ATP11B: variants seen among roughly 807,000 people sequenced by gnomAD.
ATP11B encodes phospholipid-transporting ATPase IF.
Under a neutral mutation model 157.8 loss-of-function variants are expected in ATP11B, and 81 were observed. The observed-to-expected ratio is 0.51, with a 90% confidence interval of 0.43 to 0.62. The LOEUF (loss-of-function observed/expected upper bound fraction) is 0.62. Ranked by LOEUF, ATP11B falls within the 20% of genes least tolerant of loss-of-function variation. ATP11B has a pLI of 0.00. For synonymous variants in ATP11B, 451 were observed against 469.4 expected (o/e 0.96, Z 0.51); for missense variants, 1,165 against 1,402.2 (o/e 0.83, Z 2.70).
At chr3:182,904,946 T>C (rs1185079014) in intron 28 of ATP11B, among the ~76,000 whole-genome samples, 1 of 151,824 alleles carries the variant, frequency 6.6e-6, no homozygotes, top group Non-Finnish European at 1.5e-5. Context: ...AATTTTCTTT[T>C]GAATAAACAA....
At chr3:182,819,865 G>A (rs1195829708) in intron 1 of ATP11B, among the ~76,000 whole-genome samples, 2 of 152,148 alleles carry the variant, frequency 1.3e-5, no homozygotes, top group Admixed American at 6.5e-5. Flanking sequence ...TGAAAGGGAA[G>A]GAATGCAGTA....
intron 1 of ATP11B, among the ~76,000 whole-genome samples, chr3:182,795,661 AATCAT>A (rs1437233268): frequency 6.6e-6 from 1 of 152,232 alleles, no homozygotes; most frequent in Non-Finnish European, 1.5e-5. Flanking sequence ...CTAAGTATGT[AATCAT>A]ACTTGGGCCA....
intron 15 of ATP11B, among the ~76,000 whole-genome samples, chr3:182,867,864 C>A (rs1407569677): frequency 1.3e-5 from 2 of 152,154 alleles, no homozygotes; most frequent in African/African-American, 4.8e-5. Context: ...ATCCACTGTG[C>A]CTGGCCCACA....
intron 14 of ATP11B, 97 bp from the exon 15 acceptor site, chr3:182,867,279 G>T: frequency 1.3e-6 from 1 of 792,108 alleles, no homozygotes; most frequent in Non-Finnish European, 2.1e-6. Context: ...TTTGAACTTT[G>T]ATTTTAAATG....
At chr3:182,889,859 C>T (rs1237731476) in intron 25 of ATP11B, among the ~76,000 whole-genome samples, 1 of 152,108 alleles carries the variant, frequency 6.6e-6, no homozygotes, top group Non-Finnish European at 1.5e-5. Context: ...TGATAGCTGC[C>T]ATTTATCTGG....
chr3:182,898,151 C>T (rs1315311351), intron 27 of ATP11B, among the ~76,000 whole-genome samples: 2 of 151,956 alleles, frequency 1.3e-5, no homozygotes, highest in Non-Finnish European at 2.9e-5. Flanking sequence ...ATACAAAAAC[C>T]CAAAAAGAAT....
At chr3:182,831,548 G>A (rs554905949) in intron 4 of ATP11B, among the ~76,000 whole-genome samples, 26 of 148,058 alleles carry the variant, frequency 1.8e-4, no homozygotes, top group Non-Finnish European at 3.1e-4. Flanking sequence ...ACAGAGTCTA[G>A]ACCCTGGTTC....
intron 28 of ATP11B, among the ~76,000 whole-genome samples, chr3:182,909,710 G>T (rs1041400906): frequency 6.6e-6 from 1 of 152,130 alleles, no homozygotes; most frequent in Non-Finnish European, 1.5e-5. Flanking sequence ...GTTTGCTAGA[G>T]AACAGTATAG....
At chr3:182,813,542 T>C (rs1012990101) in intron 1 of ATP11B, among the ~76,000 whole-genome samples, 6 of 152,170 alleles carry the variant, frequency 3.9e-5, no homozygotes, top group African/African-American at 1.4e-4. Context: ...TGTAAAACTG[T>C]AATAAATAGC....
At chr3:182,914,869 T>C in intron 29 of ATP11B, 1 of 985,396 alleles carries the variant, frequency 1.0e-6, no homozygotes, top group Non-Finnish European at 1.2e-6. Context: ...AGGTGAATGA[T>C]ACCATATTCT....
intron 28 of ATP11B, among the ~76,000 whole-genome samples, chr3:182,904,906 AAAAAAAG>A (rs1724231680): frequency 6.8e-6 from 1 of 146,160 alleles, no homozygotes. Flanking sequence ...AAAAAAAAAA[AAAAAAAG>A]GATTAATTCA....
At chr3:182,900,143 C>T (rs1193691895) in intron 28 of ATP11B, among the ~76,000 whole-genome samples, 1 of 152,150 alleles carries the variant, frequency 6.6e-6, no homozygotes, top group Non-Finnish European at 1.5e-5. Context: ...CTTTAGTATT[C>T]ATTTGCTTTG....
chr3:182,819,983 AT>A (rs761105008), intron 1 of ATP11B, among the ~76,000 whole-genome samples: 1 of 152,122 alleles, frequency 6.6e-6, no homozygotes, highest in Non-Finnish European at 1.5e-5. Context: ...TACTAAAGGC[AT>A]TACCTAGTTA....
rs768287083 is a variant in ATP11B, at chr3:182,918,217, A to G, written c.*113A>G. 2.7e-5 allele frequency: 39 copies of G among 1,459,146 alleles called. No individual in the cohort carries two copies. Among genetic ancestry groups the G allele is most frequent in the Non-Finnish European group, 3.4e-5 (37 of 1,080,878 alleles). 90.4% of individuals were successfully genotyped at this position (1,459,146 alleles called of 1,614,324 possible). ...AATTAATTTCCAAAATCTTTGTAGT[A>G]GTTCATACCCACTCAGAGTTATAAT... is the stretch of plus-strand genomic sequence containing the variant. On this transcript the variant is annotated 3_prime_UTR_variant, in exon 30 of 30. Transcript: ENST00000323116.
intron 2 of ATP11B, among the ~76,000 whole-genome samples, chr3:182,823,468 G>A (rs959288304): frequency 2.0e-5 from 3 of 152,028 alleles, no homozygotes; most frequent in Admixed American, 1.3e-4. Flanking sequence ...TGTTCCATTG[G>A]TCTATATATC....
At chr3:182,823,582 T>C (rs1717515268) in intron 2 of ATP11B, among the ~76,000 whole-genome samples, 1 of 152,190 alleles carries the variant, frequency 6.6e-6, no homozygotes, top group South Asian at 2.1e-4. Context: ...GGCTTAGGAT[T>C]GTCTTGGCAA....
chr3:182,868,417 T>C (rs1283222990), intron 15 of ATP11B, among the ~76,000 whole-genome samples: 2 of 151,136 alleles, frequency 1.3e-5, no homozygotes, highest in Non-Finnish European at 2.9e-5. Context: ...TTATAAACCA[T>C]TATTCAACTC....
intron 9 of ATP11B, among the ~76,000 whole-genome samples, 178 bp downstream of exon 9, chr3:182,845,700 A>G (rs975517784): frequency 2.0e-5 from 3 of 152,062 alleles, no homozygotes; most frequent in African/African-American, 2.4e-5. Context: ...TGTTTTGTTG[A>G]TGATCCCTGT....
chr3:182,802,984 G>C (rs1397126107), intron 1 of ATP11B, among the ~76,000 whole-genome samples: 1 of 152,124 alleles, frequency 6.6e-6, no homozygotes, highest in Non-Finnish European at 1.5e-5. Context: ...CCCTGCCCCA[G>C]CCAATCTTAT....
Sources: gnomAD v4.1 joint callset for allele counts (sites outside exome capture counted in the v4.1 genomes callset) on GRCh38, gnomAD v4.1.1 for gene constraint, MANE v1.5 for transcripts, NCBI Gene and HGNC (gene_info 2026-07-23, HGNC 2026-07-21) for gene names.